The following PTP4A1 variants were observed in gnomAD, a reference collection of about 807,000 sequenced individuals.
PTP4A1 encodes protein tyrosine phosphatase 4A1, also known as protein tyrosine phosphatase type IVA 1.
Under a neutral mutation model 20.5 loss-of-function variants are expected in PTP4A1, and 9 were observed. The observed-to-expected ratio is 0.44, with a 90% CI of 0.26 to 0.77. The LOEUF (loss-of-function observed/expected upper bound fraction) is 0.77. Ranked by LOEUF, PTP4A1 falls within the 30% of genes least tolerant of loss-of-function variation. The pLI, the probability that PTP4A1 is intolerant of heterozygous loss-of-function variation, is 0.19. For missense variants in PTP4A1, 137 were observed against 218.8 expected, an observed-to-expected ratio of 0.63 and a Z score of 2.36; for synonymous variants, 78 against 67.4, an observed-to-expected ratio of 1.16 and a Z score of -0.77.
chr6:63,546,728 A>T (rs60036836), intron 2 of PTP4A1, among the ~76,000 whole-genome samples: 11,639 of 152,082 alleles, frequency 0.077, 491 homozygotes, highest in East Asian at 0.16. Context: ...ATAGAGTACA[A>T]GCTTTCAGTT....
intron 1 of PTP4A1, among the ~76,000 whole-genome samples, chr6:63,522,955 C>T (rs1774998313): frequency 6.6e-6 from 1 of 151,584 alleles, no homozygotes; most frequent in African/African-American, 2.4e-5. Context: ...ACCTCTGCCT[C>T]CCAGGTTCAA....
rs796731178 is a variant in PTP4A1, at chr6:63,579,971, A to G, written c.405-86A>G. 1.2e-5 allele frequency: 11 copies of G among 949,754 alleles called. No homozygotes were observed. The African/African-American group carries it at 1.7e-4, about 14-fold the overall frequency. 58.8% of individuals were successfully genotyped at this position (949,754 alleles called of 1,614,324 possible). A position where few individuals can be genotyped will look rare whatever the true frequency, so the allele number is the denominator to read the frequency against. ...ATTAATCAAAAGATAAATTGCCACAAGAGAGGTGATGGTTGTCTATAAGAC... is the reference window on the plus strand; with the variant it reads ...ATTAATCAAAAGATAAATTGCCACAGGAGAGGTGATGGTTGTCTATAAGAC... On this transcript the variant is annotated intron_variant, in intron 5 of 5. Transcript: ENST00000626021.
At chr6:63,556,471 A>G (rs1010913553) in intron 3 of PTP4A1, among the ~76,000 whole-genome samples, 9 of 152,076 alleles carry the variant, frequency 5.9e-5, no homozygotes, top group Admixed American at 2.6e-4. Context: ...ATGAGCCACT[A>G]TGCTCTGCCT....
intron 3 of PTP4A1, 135 bp downstream of exon 3, chr6:63,578,664 C>T (rs989998071): frequency 7.7e-7 from 1 of 1,306,102 alleles, no homozygotes; most frequent in Non-Finnish European, 1.0e-6. Flanking sequence ...TATTATTGTG[C>T]AGAATCTTAA....
intron 2 of PTP4A1, among the ~76,000 whole-genome samples, chr6:63,548,166 C>T (rs982010653): frequency 1.3e-5 from 2 of 152,138 alleles, no homozygotes; most frequent in African/African-American, 4.8e-5. Context: ...CTCTGATTTC[C>T]CTTAGCACTT....
the PTP4A1 span, among the ~76,000 whole-genome samples, chr6:63,516,468 C>G: frequency 6.6e-6 from 1 of 152,176 alleles, no homozygotes; most frequent in Admixed American, 6.6e-5. Flanking sequence ...TGCTTGAGAG[C>G]TCTGAAGTTT....
rs150342592 is a variant in PTP4A1 at position 63,533,969 on chromosome 6, G to A, written c.-640+5885G>A. ...AGTGATTCTCGTGCCTCAGCCTCCC[G>A]AGTAGCTGGAATAACAGGTGCACAC... On this transcript the variant is annotated intron_variant, in intron 2 of 3. Transcript: ENST00000639568. 2.6e-3 allele frequency among the ~76,000 whole-genome samples: 389 copies of A among 151,882 alleles called. 4 individuals are homozygous for A. The highest frequency in any genetic ancestry group is 0.021 in the Admixed American group (315 of 15,230).
chr6:63,576,310 C>T (rs374169519), intron 1 of PTP4A1, 126 bp from the exon 2 acceptor site: 4 of 386,848 alleles, frequency 1.0e-5, no homozygotes, highest in East Asian at 7.3e-5. Context: ...AAGTAAAAGT[C>T]GATGAAGCGG....
At chr6:63,549,577 T>A (rs1776346741) in intron 2 of PTP4A1, 2 of 599,484 alleles carry the variant, frequency 3.3e-6, no homozygotes, top group Non-Finnish European at 2.9e-6. Flanking sequence ...TTTTTTTTTT[T>A]AAAGAAAACC....
At chr6:63,523,722 CT>C (rs926863328) in intron 1 of PTP4A1, among the ~76,000 whole-genome samples, 7 of 151,888 alleles carry the variant, frequency 4.6e-5, no homozygotes, top group African/African-American at 1.7e-4. Flanking sequence ...AATTATAAGA[CT>C]TTTTTTGCGA....
chr6:63,576,706 C>G lies in PTP4A1; in HGVS notation c.-175C>G, dbSNP rs1242565799. 1.6e-6 allele frequency: 1 copy of G among 613,706 alleles called. No homozygotes were observed. Among genetic ancestry groups the G allele is most frequent in the African/African-American group, 1.9e-5 (1 of 53,604 alleles). 38.0% of individuals were successfully genotyped at this position (613,706 alleles called of 1,614,324 possible). ...TCAGTATTACTGGATTGAAGAATTG[C>G]TGCTTCTTGTTAGGAGGTTCATTTC... On this transcript the variant is annotated 5_prime_UTR_variant, in exon 2 of 6. Transcript: ENST00000626021.
At chr6:63,558,823 C>T (rs1217978707) in intron 3 of PTP4A1, among the ~76,000 whole-genome samples, 6 of 152,092 alleles carry the variant, frequency 3.9e-5, no homozygotes, top group Admixed American at 3.9e-4. Context: ...ACAAGCCATC[C>T]CAGGGGCCCC....
At position 63,580,145 on chromosome 6, in the gene PTP4A1, G is replaced by A. The variant is rs546134768; in HGVS notation, c.493G>A (p.Gly165Ser). 4.3e-6 allele frequency: 7 copies of A among 1,612,626 alleles called. No homozygotes were observed. The South Asian group carries it at 5.5e-5, about 13-fold the overall frequency. Reference sequence around the variant, plus strand: ...GCGGCTGCGTTTCAAAGATTCCAACGGTCATAGAAACAACTGTTGCATTCA... The same window carrying A: ...GCGGCTGCGTTTCAAAGATTCCAACAGTCATAGAAACAACTGTTGCATTCA... ...KMRLRFKDSN[G>S]HRNNCCIQ Residue 165 changes from glycine to serine, a missense_variant, in exon 6 of 6, where the codon GGT (glycine) becomes AGT (serine). Coordinates refer to ENST00000626021, the MANE Select transcript of PTP4A1 (RefSeq NM_003463.5).
At chr6:63,549,608 A>T in intron 2 of PTP4A1, 1 of 534,516 alleles carries the variant, frequency 1.9e-6, no homozygotes, top group Non-Finnish European at 3.3e-6. Flanking sequence ...ATATATACAC[A>T]ATGGAATACT....
In PTP4A1 at chr6:63,552,031, G is replaced by T. The variant is rs560258964; in HGVS notation, c.-446+1538G>T. ...TGTGCATGTGTCTTTATAGCAGCAT[G>T]ATTTATAATCCTTTGGGTGTATACC... On this transcript the variant is annotated intron_variant, in intron 3 of 3. Transcript: ENST00000639568. 1.1e-3 allele frequency among the ~76,000 whole-genome samples: 172 copies of T among 152,302 alleles called. 1 individual carries two copies. Among genetic ancestry groups the T allele is most frequent in the Middle Eastern group, 0.01 (3 of 294 alleles).
At chr6:63,521,057 T>G (rs1774901852), upstream of PTP4A1, among the ~76,000 whole-genome samples, 1 of 149,454 alleles carries the variant, frequency 6.7e-6, no homozygotes, top group Non-Finnish European at 1.5e-5. Flanking sequence ...CACAGGGAGG[T>G]GAACATCATA....
the PTP4A1 span, among the ~76,000 whole-genome samples, chr6:63,516,460 C>T: frequency 6.6e-6 from 1 of 152,192 alleles, no homozygotes; most frequent in South Asian, 2.1e-4. Flanking sequence ...CAAAGTAGTG[C>T]TTGAGAGCTC....
chr6:63,548,494 A>G (rs941096404), intron 2 of PTP4A1, among the ~76,000 whole-genome samples: 2 of 152,138 alleles, frequency 1.3e-5, no homozygotes, highest in African/African-American at 2.4e-5. Context: ...GTTTGTCTCC[A>G]TCGTAGCAGC....
chr6:63,555,883 A>G (rs1776666497), intron 3 of PTP4A1, among the ~76,000 whole-genome samples: 1 of 151,910 alleles, frequency 6.6e-6, no homozygotes, highest in South Asian at 2.1e-4. Context: ...TAGTAGAGAC[A>G]GGGTTTCGCT....
Sources: allele counts gnomAD v4.1 joint callset (sites outside exome capture counted in the v4.1 genomes callset), GRCh38; gene constraint gnomAD v4.1.1; transcripts MANE v1.5; gene names NCBI Gene and HGNC (gene_info 2026-07-23, HGNC 2026-07-21).